RALGAPB: variants seen among roughly 807,000 people sequenced by gnomAD.
The protein encoded by RALGAPB is ral GTPase-activating protein subunit beta.
RALGAPB carries 25 observed loss-of-function variants against 161.1 expected under a neutral mutation model. The observed-to-expected ratio is 0.16, with a 90% confidence interval of 0.11 to 0.22. The LOEUF (loss-of-function observed/expected upper bound fraction) is 0.22, where lower values mean the gene tolerates loss of function less well. Ranked by LOEUF, RALGAPB falls within the 10% of genes least tolerant of loss-of-function variation. The pLI is 1.00. For missense variants in RALGAPB, 1,391 were observed against 1,815.2 expected, an observed-to-expected ratio of 0.77 and a Z score of 4.25; for synonymous variants, 629 against 626.1, an observed-to-expected ratio of 1.00 and a Z score of -0.07.
chr20:38,501,965 A>AT (rs2122968204), intron 5 of RALGAPB, among the ~76,000 whole-genome samples: 1 of 152,334 alleles, frequency 6.6e-6, no homozygotes, highest in South Asian at 2.1e-4. Context: ...ATACACACAA[A>AT]TGTATTATAC....
At position 38,531,168 on chromosome 20, in the gene RALGAPB, G is replaced by T. The variant is rs1319627098; in HGVS notation, c.2052G>T (p.Gly684=). ...AATACTGTTTTATTGTTGTTGTAGG[G>T]GCAATGTTAAATATTGTTCAAGATT... ...TDPNNTQMIL[G]AMLNIVQDSA... Residue 684 remains glycine (G), a splice_region_variant and synonymous_variant, in exon 14 of 30, where the codon GGG becomes GGT. Transcript: ENST00000262879. 6.2e-6 allele frequency: 10 copies of T among 1,605,002 alleles called. No individual in the cohort carries two copies. Among genetic ancestry groups the T allele is most frequent in the Non-Finnish European group, 8.5e-6 (10 of 1,172,594 alleles).
intron 5 of RALGAPB, among the ~76,000 whole-genome samples, chr20:38,507,359 C>T (rs529256121): frequency 2.2e-4 from 34 of 151,558 alleles, no homozygotes; most frequent in Middle Eastern, 3.4e-3. Flanking sequence ...TAATAATTTC[C>T]TTGTTATTGT....
rs956523746 is a variant in RALGAPB, at chr20:38,576,739, T to C, written c.*1772T>C. ...CAGGAAGAAGATGAGGTTTAATAAC[T>C]TTCAAGGTAATTCTAGATTGACATT... On this transcript the variant is annotated 3_prime_UTR_variant, in exon 30 of 30. Transcript: ENST00000262879. 14 of 152,644 alleles carry C rather than the reference T, an allele frequency of 9.2e-5. No individual in the cohort carries two copies. Among genetic ancestry groups the C allele is most frequent in the African/African-American group, 3.1e-4 (13 of 41,462 alleles). 9.5% of individuals were successfully genotyped at this position (152,644 alleles called of 1,614,324 possible).
rs1243986970 is a variant in RALGAPB, at chr20:38,505,044, C to A, written c.741-4033C>A. Among the ~76,000 whole-genome samples the A allele has an allele frequency of 3.3e-5, 5 of 152,264 alleles. No individual in the cohort carries two copies. The East Asian group carries it at 9.6e-4, about 29-fold the overall frequency. ...GAGATTTCTCAAAGAACTTAAAATA[C>A]GACTACCATTCAACCCAGCTATCCC... On this transcript the variant is annotated intron_variant, in intron 5 of 29. Transcript: ENST00000262879.
intron 22 of RALGAPB, among the ~76,000 whole-genome samples, chr20:38,555,882 A>G (rs1290381507): frequency 6.6e-6 from 1 of 152,216 alleles, no homozygotes; most frequent in Non-Finnish European, 1.5e-5. Flanking sequence ...TATTAAAGGG[A>G]ATGCTAAGCA....
intron 6 of RALGAPB, among the ~76,000 whole-genome samples, chr20:38,510,770 C>T (rs1396999072): frequency 7.1e-6 from 1 of 141,188 alleles, no homozygotes; most frequent in African/African-American, 3.2e-5. Context: ...ATTAGCCGGG[C>T]GTAGTGGCGG....
chr20:38,536,542 T>C (rs922806915), intron 16 of RALGAPB, among the ~76,000 whole-genome samples: 5 of 152,230 alleles, frequency 3.3e-5, no homozygotes, highest in Non-Finnish European at 7.3e-5. Flanking sequence ...TTTGAGGAAC[T>C]GCCAAACTGT....
chr20:38,543,363 G>A (rs1213797139), intron 18 of RALGAPB, among the ~76,000 whole-genome samples: 1 of 152,102 alleles, frequency 6.6e-6, no homozygotes, highest in East Asian at 1.9e-4. Flanking sequence ...CTTTATTTTT[G>A]TAAAGTATTT....
At chr20:38,536,254 T>C (rs2086800548) in intron 16 of RALGAPB, among the ~76,000 whole-genome samples, 1 of 152,244 alleles carries the variant, frequency 6.6e-6, no homozygotes, top group African/African-American at 2.4e-5. Context: ...CTGGTTTCTT[T>C]CACTAAATGT....
chr20:38,475,796 T>C (rs2084786702), intron 1 of RALGAPB, among the ~76,000 whole-genome samples: 1 of 151,976 alleles, frequency 6.6e-6, no homozygotes, highest in African/African-American at 2.4e-5. Context: ...TTTGTATTTT[T>C]AGTTGAGAGG....
At chr20:38,537,306 CA>C (rs1159107260) in intron 16 of RALGAPB, among the ~76,000 whole-genome samples, 1 of 152,034 alleles carries the variant, frequency 6.6e-6, no homozygotes, top group Non-Finnish European at 1.5e-5. Flanking sequence ...AAAAAAAAGC[CA>C]AAAAATTTTG....
intron 3 of RALGAPB, among the ~76,000 whole-genome samples, chr20:38,494,812 C>G (rs986667157): frequency 6.6e-6 from 1 of 152,162 alleles, no homozygotes; most frequent in Non-Finnish European, 1.5e-5. Flanking sequence ...GTCACTGTGT[C>G]TCTTTCCTCT....
At chr20:38,510,965 G>T (rs1305257503) in intron 6 of RALGAPB, among the ~76,000 whole-genome samples, 3 of 151,916 alleles carry the variant, frequency 2.0e-5, no homozygotes. Context: ...GACTGGCTCT[G>T]CTCACATAGT....
chr20:38,550,927 C>G lies in RALGAPB; in HGVS notation c.3010-144C>G, dbSNP rs1601025236. 1.2e-5 allele frequency: 11 copies of G among 883,156 alleles called. No individual in the cohort carries two copies. The East Asian group carries it at 2.7e-4, about 22-fold the overall frequency. 54.7% of individuals were successfully genotyped at this position (883,156 alleles called of 1,614,324 possible). ...ACAGGCTGCTTCCCTTTGCTGTTAT[C>G]TGTAGCATTTGCAGGTTCTGAGTGA... On this transcript the variant is annotated intron_variant, in intron 20 of 29. Transcript: ENST00000262879.
In RALGAPB at chr20:38,497,363, G is replaced by A. The variant is rs901993051; in HGVS notation, c.400G>A (p.Gly134Ser). 1.9e-6 allele frequency: 3 copies of A among 1,613,424 alleles called. No individual in the cohort carries two copies. Among genetic ancestry groups the A allele is most frequent in the Non-Finnish European group, 2.5e-6 (3 of 1,179,744 alleles). Residue 134 changes from glycine (G) to serine (S), a missense_variant, in exon 4 of 30, where the codon GGT becomes AGT. Around this residue, in one of 3 missense-constraint regions of RALGAPB, gnomAD observed 946 missense variants for 1,257.2 expected, o/e 0.75. Coordinates refer to ENST00000262879, the MANE Select transcript of RALGAPB (RefSeq NM_020336.4). The part of the protein sequence containing the change: ...QNLFVPRQEQ[G>S]SSQIRLCLQV... ...GTCTGTCTTCTTCAGACAGGAACAGGGTTCCAGTCAGATTCGACTATGCTT... is the reference window on the plus strand; with the variant it reads ...GTCTGTCTTCTTCAGACAGGAACAGAGTTCCAGTCAGATTCGACTATGCTT...
intron 4 of RALGAPB, 64 bp downstream of exon 4, chr20:38,497,580 A>T (rs1481032183): frequency 1.3e-6 from 2 of 1,499,982 alleles, no homozygotes; most frequent in Non-Finnish European, 1.8e-6. Context: ...CTTTAAACTC[A>T]GTGAGCGGTA....
chr20:38,559,645 G>C (rs562028466), intron 23 of RALGAPB, among the ~76,000 whole-genome samples: 17 of 152,334 alleles, frequency 1.1e-4, no homozygotes, highest in African/African-American at 4.1e-4. Context: ...AGTGAGCCAA[G>C]ATTGCACCAT....
chr20:38,490,189 A>G (rs189958770), intron 2 of RALGAPB, among the ~76,000 whole-genome samples: 1 of 143,362 alleles, frequency 7.0e-6, no homozygotes, highest in East Asian at 2.1e-4. Flanking sequence ...TTTGTATTTT[A>G]AAAATGTATT....
chr20:38,551,975 A>G (rs2087390519), intron 21 of RALGAPB, among the ~76,000 whole-genome samples: 1 of 152,154 alleles, frequency 6.6e-6, no homozygotes, highest in Admixed American at 6.5e-5. Flanking sequence ...GTGACCTTTG[A>G]GAACAGGTGT....
Sources: allele counts gnomAD v4.1 joint callset (sites outside exome capture counted in the v4.1 genomes callset), GRCh38; gene constraint gnomAD v4.1.1; regional missense constraint gnomAD v4.1.1; transcripts MANE v1.5; gene names NCBI Gene and HGNC (gene_info 2026-07-23, HGNC 2026-07-21).